Variants in XPR1 observed in about 807,000 individuals in gnomAD.
XPR1 encodes xenotropic and polytropic retrovirus receptor 1.
Under a neutral mutation model 87.5 loss-of-function variants are expected in XPR1, and 28 were observed. That is an observed-to-expected ratio of 0.32 (90% confidence interval 0.24 to 0.44). XPR1 has a LOEUF of 0.44. Ranked by LOEUF, XPR1 falls within the 20% of genes least tolerant of loss-of-function variation. XPR1 has a pLI of 1.00. For missense variants in XPR1, 559 were observed against 862.3 expected (o/e 0.65, Z 4.41); for synonymous variants, 300 against 306.1 (o/e 0.98, Z 0.21).
intron 3 of XPR1, among the ~76,000 whole-genome samples, chr1:180,801,760 T>A (rs893009983): frequency 9.9e-5 from 15 of 152,042 alleles, no homozygotes; most frequent in Admixed American, 5.9e-4. Context: ...TTTATCATTA[T>A]TTATTGAGTG....
At chr1:180,805,144 T>G (rs752905395) in intron 4 of XPR1, among the ~76,000 whole-genome samples, 6 of 152,202 alleles carry the variant, frequency 3.9e-5, no homozygotes, top group Non-Finnish European at 8.8e-5. Context: ...TTAAAAGCTA[T>G]CTCTAAGTCA....
intron 1 of XPR1, among the ~76,000 whole-genome samples, chr1:180,647,840 G>T (rs551888828): frequency 6.7e-6 from 1 of 148,428 alleles, no homozygotes; most frequent in African/African-American, 2.5e-5. Flanking sequence ...TGTGGAGGTT[G>T]CAGTGAGCCG....
At chr1:180,747,391 A>G (rs767203494) in intron 2 of XPR1, among the ~76,000 whole-genome samples, 2 of 152,188 alleles carry the variant, frequency 1.3e-5, no homozygotes, top group Non-Finnish European at 2.9e-5. Context: ...TAATCCATTT[A>G]GTTGCTAATA....
intron 2 of XPR1, among the ~76,000 whole-genome samples, chr1:180,716,652 T>C (rs966569539): frequency 1.3e-5 from 2 of 152,222 alleles, no homozygotes; most frequent in Non-Finnish European, 2.9e-5. Context: ...TTTCAGGTTC[T>C]AAACTTCACA....
At chr1:180,639,573 A>T (rs1299449038) in intron 1 of XPR1, among the ~76,000 whole-genome samples, 1 of 152,208 alleles carries the variant, frequency 6.6e-6, no homozygotes, top group East Asian at 1.9e-4. Context: ...AAATTTAATC[A>T]TAGAGAAAAG....
In XPR1 at chr1:180,632,052, C is replaced by T. The variant is rs958182427; in HGVS notation, c.-150C>T. Reference sequence around the variant, plus strand: ...GAGGAGGAGGAAGATGGCGGGCGGGCTGCTCTGAAGAGACCTCGGCGGCGG... The same window carrying T: ...GAGGAGGAGGAAGATGGCGGGCGGGTTGCTCTGAAGAGACCTCGGCGGCGG... On this transcript the variant is annotated 5_prime_UTR_variant, in exon 1 of 15. Coordinates refer to ENST00000367590, the MANE Select transcript of XPR1 (RefSeq NM_004736.4). 2 of 843,586 alleles carry T rather than the reference C, an allele frequency of 2.4e-6. No homozygotes were observed. Among genetic ancestry groups the T allele is most frequent in the Admixed American group, 2.1e-5 (1 of 47,954 alleles). The allele number at this position is 843,586 out of a possible 1,614,324, so 52.3% of individuals were successfully genotyped here.
chr1:180,831,881 G>A (rs1651078588), intron 9 of XPR1, among the ~76,000 whole-genome samples: 1 of 152,124 alleles, frequency 6.6e-6, no homozygotes, highest in Non-Finnish European at 1.5e-5. Flanking sequence ...CTTTATAGTA[G>A]CATGATTTAT....
chr1:180,876,514 T>C (rs2102222391), intron 13 of XPR1, among the ~76,000 whole-genome samples: 1 of 152,186 alleles, frequency 6.6e-6, no homozygotes, highest in African/African-American at 2.4e-5. Context: ...CGCATGCCTG[T>C]AGTCCCAGCT....
intron 2 of XPR1, among the ~76,000 whole-genome samples, chr1:180,733,215 C>G (rs111619333): frequency 2.0e-5 from 3 of 152,118 alleles, no homozygotes; most frequent in Non-Finnish European, 4.4e-5. Context: ...AACATTTGGG[C>G]AGGAAAACAA....
intron 2 of XPR1, among the ~76,000 whole-genome samples, chr1:180,783,103 A>T (rs1267678310): frequency 6.6e-6 from 1 of 152,012 alleles, no homozygotes. Context: ...TAATCATTCT[A>T]TATACTGGTA....
At chr1:180,652,835 T>C (rs1271786294) in intron 1 of XPR1, among the ~76,000 whole-genome samples, 1 of 152,182 alleles carries the variant, frequency 6.6e-6, no homozygotes, top group Non-Finnish European at 1.5e-5. Flanking sequence ...ACATTTATTG[T>C]CTCACACAGT....
intron 2 of XPR1, among the ~76,000 whole-genome samples, chr1:180,695,397 T>C (rs1213256139): frequency 6.9e-6 from 1 of 145,694 alleles, no homozygotes; most frequent in East Asian, 2.0e-4. Context: ...TTTAGTTTAA[T>C]GTAGTCCCAT....
At chr1:180,763,589 A>G (rs1036228440) in intron 2 of XPR1, among the ~76,000 whole-genome samples, 25 of 152,224 alleles carry the variant, frequency 1.6e-4, no homozygotes, top group African/African-American at 6.0e-4. Flanking sequence ...TGATAAGAGC[A>G]ATGATGAAGA....
chr1:180,850,848 A>G (rs544446448), intron 11 of XPR1, among the ~76,000 whole-genome samples: 3 of 152,074 alleles, frequency 2.0e-5, no homozygotes, highest in East Asian at 3.9e-4. Context: ...ATTTCTAGCT[A>G]CTTGGGAGGC....
At chr1:180,662,206 C>T (rs1030599743) in intron 1 of XPR1, among the ~76,000 whole-genome samples, 3 of 151,034 alleles carry the variant, frequency 2.0e-5, no homozygotes, top group African/African-American at 7.3e-5. Context: ...CATTCTTGTC[C>T]TTTTTTTTTC....
chr1:180,681,587 A>T (rs559569079), intron 1 of XPR1, among the ~76,000 whole-genome samples: 3 of 152,366 alleles, frequency 2.0e-5, no homozygotes, highest in Admixed American at 2.0e-4. Context: ...CAGAGCTTGC[A>T]GTGAGCTGAG....
rs1409591119 is a variant in XPR1 at position 180,659,587 on chromosome 1, G to A, written c.70-22773G>A. Among the ~76,000 whole-genome samples the A allele has an allele frequency of 2.8e-3, 26 of 9,258 alleles. No homozygotes were observed. The South Asian group carries it at 0.061, about 22-fold the overall frequency. The allele number at this position is 9,258 out of a possible 152,430, so 6.1% of individuals were successfully genotyped here. On this transcript the variant is annotated intron_variant, in intron 1 of 14. Coordinates refer to ENST00000367590, the MANE Select transcript of XPR1 (RefSeq NM_004736.4). ...CCACCCACCACACCCCCCAGCCACC[G>A]CACCCCCACCCCCCACCCCCCGCCG...
At chr1:180,766,644 A>G (rs1434182183) in intron 2 of XPR1, among the ~76,000 whole-genome samples, 4 of 152,206 alleles carry the variant, frequency 2.6e-5, no homozygotes, top group African/African-American at 4.8e-5. Flanking sequence ...ATTGTGGAGA[A>G]TAAGTTCAGA....
chr1:180,641,276 C>T (rs1654953044), intron 1 of XPR1, among the ~76,000 whole-genome samples: 2 of 152,246 alleles, frequency 1.3e-5, no homozygotes, highest in East Asian at 1.9e-4. Flanking sequence ...ATAGTAACAG[C>T]AATAAATTTC....
Sources: gnomAD v4.1 joint callset for allele counts (sites outside exome capture counted in the v4.1 genomes callset) on GRCh38, gnomAD v4.1.1 for gene constraint, MANE v1.5 for transcripts, NCBI Gene and HGNC (gene_info 2026-07-23, HGNC 2026-07-21) for gene names.